The following KCNQ3 variants were observed in gnomAD, a reference collection of about 807,000 sequenced individuals.
The protein encoded by KCNQ3 is potassium voltage-gated channel subfamily Q member 3, also known as potassium voltage-gated channel subfamily KQT member 3.
KCNQ3 carries 30 observed loss-of-function variants against 92.5 expected under a neutral mutation model. That is an observed-to-expected ratio of 0.32 (90% CI 0.24 to 0.44). The LOEUF (loss-of-function observed/expected upper bound fraction) is 0.44. Ranked by LOEUF, KCNQ3 falls within the 20% of genes least tolerant of loss-of-function variation. The pLI is 1.00. For missense variants in KCNQ3, 913 were observed against 1,140.3 expected (o/e 0.80, Z 2.87); for synonymous variants, 450 against 468.8 (o/e 0.96, Z 0.52).
At chr8:132,423,654 A>G (rs975644722) in intron 1 of KCNQ3, among the ~76,000 whole-genome samples, 1 of 152,186 alleles carries the variant, frequency 6.6e-6, no homozygotes, top group Non-Finnish European at 1.5e-5. Context: ...ATTTATCCCC[A>G]CTGTGCAGTT....
rs1821954306 is a variant in KCNQ3 at position 132,456,851 on chromosome 8, G to C, written c.386+23296C>G. On this transcript the variant is annotated intron_variant, in intron 1 of 14. Transcript: ENST00000388996. ...CTGGTCTCAAACTCCTGACCTCAGT[G>C]ATCTGCCCGCCTCAGCCTCCCAAAG... Among the ~76,000 whole-genome samples, 3 of 152,054 alleles carry C rather than the reference G, an allele frequency of 2.0e-5. No individual in the cohort carries two copies. The South Asian group carries it at 6.2e-4, about 32-fold the overall frequency.
At chr8:132,398,083 G>C (rs1820239397) in intron 1 of KCNQ3, among the ~76,000 whole-genome samples, 1 of 152,188 alleles carries the variant, frequency 6.6e-6, no homozygotes. Flanking sequence ...TACAACTCCA[G>C]AGAAACAACA....
rs1824541059 is a variant in KCNQ3 at position 132,123,133 on chromosome 8, T to C, written c.*6129A>G. 6.6e-6 allele frequency: 1 copy of C among 152,166 alleles called. No individual in the cohort carries two copies. Among genetic ancestry groups the C allele is most frequent in the African/African-American group, 2.4e-5 (1 of 41,432 alleles). 9.4% of individuals were successfully genotyped at this position (152,166 alleles called of 1,614,324 possible). On this transcript the variant is annotated 3_prime_UTR_variant, in exon 15 of 15. Transcript: ENST00000388996. ...GCCTGACTTCCTAAAATCAAAACCA[T>C]AGGGATTTATCAAGAAGAAACCCTG...
At chr8:132,224,743 T>C (rs547285297) in intron 1 of KCNQ3, among the ~76,000 whole-genome samples, 21 of 131,158 alleles carry the variant, frequency 1.6e-4, no homozygotes, top group African/African-American at 4.8e-4. Flanking sequence ...TCAAATACCT[T>C]GATTTTGATA....
At chr8:132,254,721 A>G (rs921181103) in intron 1 of KCNQ3, among the ~76,000 whole-genome samples, 2 of 152,164 alleles carry the variant, frequency 1.3e-5, no homozygotes, top group African/African-American at 4.8e-5. Context: ...TCTACTAAAA[A>G]TACAAAAATT....
intron 1 of KCNQ3, among the ~76,000 whole-genome samples, chr8:132,263,370 C>T (rs764062327): frequency 3.9e-5 from 6 of 152,210 alleles, no homozygotes; most frequent in East Asian, 1.9e-4. Flanking sequence ...TGATTCCCCT[C>T]GACAGGCTTA....
At chr8:132,212,903 G>C (rs1191501281) in intron 1 of KCNQ3, among the ~76,000 whole-genome samples, 1 of 152,150 alleles carries the variant, frequency 6.6e-6, no homozygotes, top group Non-Finnish European at 1.5e-5. Context: ...CTGTAGGCAG[G>C]TGCCGCTGCA....
intron 9 of KCNQ3, among the ~76,000 whole-genome samples, chr8:132,157,823 C>T (rs1001944051): frequency 1.3e-5 from 2 of 151,988 alleles, no homozygotes; most frequent in Non-Finnish European, 2.9e-5. Context: ...TGCTCTCCTG[C>T]CCCTTGCCCC....
chr8:132,230,089 A>G (rs1173503593), intron 1 of KCNQ3, among the ~76,000 whole-genome samples: 5 of 152,138 alleles, frequency 3.3e-5, no homozygotes, highest in Admixed American at 2.6e-4. Flanking sequence ...CCTCAGGGCC[A>G]TGTTGGATCT....
chr8:132,439,685 TAGA>T (rs1821485485), intron 1 of KCNQ3, among the ~76,000 whole-genome samples: 2 of 151,946 alleles, frequency 1.3e-5, no homozygotes, highest in African/African-American at 4.8e-5. Flanking sequence ...TTCATGATGG[TAGA>T]AGGAGCCATG....
intron 1 of KCNQ3, among the ~76,000 whole-genome samples, chr8:132,311,149 C>T (rs963376519): frequency 2.0e-5 from 3 of 152,020 alleles, no homozygotes; most frequent in African/African-American, 4.8e-5. Flanking sequence ...AGGATGGTCT[C>T]GATCTCCTGA....
At chr8:132,186,652 C>T (rs906969118) in intron 1 of KCNQ3, 64 of 300,240 alleles carry the variant, frequency 2.1e-4, no homozygotes, top group South Asian at 1.1e-3. Context: ...TCAGCAAAGG[C>T]TTCTGTGACC....
In KCNQ3 at chr8:132,122,549, AG is replaced by A. The variant is rs1288911644; in HGVS notation, c.*6712del. ...TACAGCCGATTTTTGGCGGTGTCAA[AG>A]AAATTCATTATTTCCCTTGAAGCTT... On this transcript the variant is annotated 3_prime_UTR_variant, in exon 15 of 15. Coordinates refer to ENST00000388996, the MANE Select transcript of KCNQ3 (RefSeq NM_004519.4). The A allele has an allele frequency of 6.6e-6, 1 of 152,242 alleles. No individual in the cohort carries two copies. Among genetic ancestry groups the A allele is most frequent in the Non-Finnish European group, 1.5e-5 (1 of 68,044 alleles). The allele number at this position is 152,242 out of a possible 1,614,324, so 9.4% of individuals were successfully genotyped here.
chr8:132,263,719 G>A (rs1815867223), intron 1 of KCNQ3, among the ~76,000 whole-genome samples: 1 of 152,208 alleles, frequency 6.6e-6, no homozygotes, highest in Non-Finnish European at 1.5e-5. Context: ...GGGATGTAGA[G>A]GCTCCTTCTT....
At chr8:132,232,379 A>G (rs1814671752) in intron 1 of KCNQ3, among the ~76,000 whole-genome samples, 1 of 152,206 alleles carries the variant, frequency 6.6e-6, no homozygotes, top group African/African-American at 2.4e-5. Context: ...GAGGATTTAC[A>G]CACAGGACTC....
intron 1 of KCNQ3, among the ~76,000 whole-genome samples, chr8:132,321,732 C>G (rs2130637469): frequency 6.6e-6 from 1 of 152,290 alleles, no homozygotes; most frequent in East Asian, 1.9e-4. Flanking sequence ...GTTGCATTTC[C>G]AGAACACACC....
At position 132,463,330 on chromosome 8, in the gene KCNQ3, G is replaced by A. The variant is rs529787536; in HGVS notation, c.386+16817C>T. 1.0e-3 allele frequency among the ~76,000 whole-genome samples: 158 copies of A among 152,314 alleles called. 1 individual carries two copies. The highest frequency in any genetic ancestry group is 3.7e-3 in the African/African-American group (154 of 41,570). On this transcript the variant is annotated intron_variant, in intron 1 of 14. Transcript: ENST00000388996. The stretch of plus-strand genomic sequence containing the variant: ...AAGAACCCAGGCATAAAGTCTATAA[G>A]GCTGTCACTCTAGTTGAGCCACAAA...
chr8:132,171,747 T>G (rs1410923954), intron 7 of KCNQ3, among the ~76,000 whole-genome samples: 1 of 152,220 alleles, frequency 6.6e-6, no homozygotes, highest in East Asian at 1.9e-4. Context: ...ACCTGGACTT[T>G]AGGCTGACTC....
rs373954713 is a variant in KCNQ3 at position 132,172,733 on chromosome 8, A to G, written c.1045-40T>C. 4.1e-6 allele frequency: 6 copies of G among 1,459,190 alleles called. No homozygotes were observed. In the Admixed American group the frequency reaches 8.4e-5, roughly 20 times the overall value. The allele number at this position is 1,459,190 out of a possible 1,614,324, so 90.4% of individuals were successfully genotyped here. A position where few individuals can be genotyped will look rare whatever the true frequency, so the allele number is the denominator to read the frequency against. On this transcript the variant is annotated intron_variant, in intron 6 of 14. Coordinates refer to ENST00000388996, the MANE Select transcript of KCNQ3 (RefSeq NM_004519.4). ...AGGCAGGCAGTCAGCCCCCAGCTAG[A>G]CTGTCCCAGCATTCCCGCTCCATTG...
Sources: allele counts gnomAD v4.1 joint callset (sites outside exome capture counted in the v4.1 genomes callset), GRCh38; gene constraint gnomAD v4.1.1; transcripts MANE v1.5; gene names NCBI Gene and HGNC (gene_info 2026-07-23, HGNC 2026-07-21).